The following TCF4 variants were observed in gnomAD, a reference collection of about 807,000 sequenced individuals.
TCF4 encodes transcription factor 4, also known as SL3-3 enhancer factor 2.
Under a neutral mutation model 82.1 loss-of-function variants are expected in TCF4, and 3 were observed. That is an observed-to-expected ratio of 0.04 (90% CI 0.02 to 0.09). TCF4 has a LOEUF of 0.09. TCF4 is among the 10% of genes least tolerant of loss of function. The probability of loss-of-function intolerance (pLI) is 1.00; values close to 1 mark genes in which losing one functional copy is unlikely to be tolerated. For synonymous variants in TCF4, 276 were observed against 309.6 expected (o/e 0.89, Z 1.14); for missense variants, 518 against 852.7 (o/e 0.61, Z 4.89).
At chr18:55,459,772 A>G (rs1555667849) in intron 5 of TCF4, among the ~76,000 whole-genome samples, 1 of 152,164 alleles carries the variant, frequency 6.6e-6, no homozygotes, top group Non-Finnish European at 1.5e-5. Flanking sequence ...CTTGAGTTAC[A>G]ATGTTAAAAC....
Position 55,415,895 on chromosome 18 carries a change from G to A in TCF4, c.305-12377C>T, listed in dbSNP as rs191304422. Among the ~76,000 whole-genome samples, 5 of 152,312 alleles carry A rather than the reference G, an allele frequency of 3.3e-5. No individual in the cohort carries two copies. In the East Asian group the frequency reaches 9.6e-4, roughly 29 times the overall value. ...TACACTTAGCAAAGTCTCTTTTAGT[G>A]TATGTATATTTCTGTGTGTCTTATA... On this transcript the variant is annotated intron_variant, in intron 5 of 19. Transcript: ENST00000354452.
chr18:55,397,493 T>C (rs1009558075), intron 6 of TCF4, among the ~76,000 whole-genome samples: 1 of 152,102 alleles, frequency 6.6e-6, no homozygotes, highest in African/African-American at 2.4e-5. Context: ...GAGTCCAGCC[T>C]TGGCAACATA....
At position 55,495,891 on chromosome 18, in the gene TCF4, T is replaced by C. The variant is rs555422441; in HGVS notation, c.146-31754A>G. The C allele has an allele frequency of 3.3e-5, 5 of 152,336 alleles. No individual in the cohort carries two copies. The East Asian group carries it at 9.6e-4, about 29-fold the overall frequency. 9.4% of individuals were successfully genotyped at this position (152,336 alleles called of 1,614,324 possible). On this transcript the variant is annotated intron_variant, in intron 3 of 19. Transcript: ENST00000354452. ...GTTGATTTCTGAATCATTTGAATAA[T>C]TCACGACCTGTCCTTTACATGGAGG...
At chr18:55,344,310 A>G (rs2144548457) in intron 8 of TCF4, among the ~76,000 whole-genome samples, 1 of 152,308 alleles carries the variant, frequency 6.6e-6, no homozygotes, top group Non-Finnish European at 1.5e-5. Flanking sequence ...ATTCAATCAA[A>G]TTATCAAGGC....
chr18:55,631,408 T>TGGTGGACATGTTAGAATGAAGGCA (rs1321312745), intron 1 of TCF4: 3 of 1,544,246 alleles, frequency 1.9e-6, no homozygotes, highest in Middle Eastern at 1.7e-4. Flanking sequence ...GGAGAAAAGA[T>TGGTGGACATGTTAGAATGAAGGCA]GGTGGACATG....
chr18:55,455,673 G>A (rs767063921), intron 5 of TCF4, among the ~76,000 whole-genome samples: 6 of 152,056 alleles, frequency 3.9e-5, no homozygotes, highest in Non-Finnish European at 7.4e-5. Flanking sequence ...TCACAGTTCC[G>A]TTCTTATGAA....
At chr18:55,616,010 A>C (rs1395205592) in intron 2 of TCF4, among the ~76,000 whole-genome samples, 1 of 152,046 alleles carries the variant, frequency 6.6e-6, no homozygotes, top group Non-Finnish European at 1.5e-5. Flanking sequence ...CCTCTAATTA[A>C]AGAAGTTTTT....
At chr18:55,259,315 T>C (rs1159211594) in intron 13 of TCF4, among the ~76,000 whole-genome samples, 1 of 151,992 alleles carries the variant, frequency 6.6e-6, no homozygotes, top group Non-Finnish European at 1.5e-5. Flanking sequence ...AGACAATGAG[T>C]CTCTTAAACG....
At chr18:55,369,416 A>G (rs1413399055) in intron 6 of TCF4, among the ~76,000 whole-genome samples, 1 of 152,222 alleles carries the variant, frequency 6.6e-6, no homozygotes, top group Non-Finnish European at 1.5e-5. Context: ...AGAAAGAACC[A>G]GAAGTCCCAC....
rs151284679 is a variant in TCF4 at position 55,237,948 on chromosome 18, G to A, written c.1351-3265C>T. ...TCGCTAGAATAACACAGAAATAGAT[G>A]GAGAAACTCACACTGTTCTCTGTAT... On this transcript the variant is annotated intron_variant, in intron 15 of 19. Coordinates refer to ENST00000354452, the MANE Select transcript of TCF4 (RefSeq NM_001083962.2). Among the ~76,000 whole-genome samples the A allele has an allele frequency of 1.6e-4, 25 of 152,332 alleles. No individual in the cohort carries two copies. In the East Asian group the frequency reaches 4.2e-3, roughly 26 times the overall value.
rs1603625730 is a variant in TCF4 at position 55,629,699 on chromosome 18, G to A, written c.286+1599C>T. ...AAGCCAGCGTAGAAACTACAAAGCT[G>A]TTCTTCGTAGAAGTACAGAAGAGAC... On this transcript the variant is annotated intron_variant, in intron 2 of 20. Coordinates refer to the TCF4 transcript ENST00000398339. Among the ~76,000 whole-genome samples, 7 of 152,280 alleles carry A rather than the reference G, an allele frequency of 4.6e-5. 1 individual carries two copies. Among genetic ancestry groups the A allele is most frequent in the Admixed American group, 4.6e-4 (7 of 15,290 alleles).
rs2144275904 is a variant in TCF4 at position 55,225,048 on chromosome 18, A to C, written c.*2987T>G. On this transcript the variant is annotated 3_prime_UTR_variant, in exon 20 of 20. Transcript: ENST00000354452. ...GTTTGATAATTACAAAACAACAACA[A>C]TAAAAAACACACTAAAAAGGCCACA... is the stretch of plus-strand genomic sequence containing the variant. 6.6e-6 allele frequency: 1 copy of C among 152,308 alleles called. No individual in the cohort carries two copies. The highest frequency in any genetic ancestry group is 1.5e-5 in the Non-Finnish European group (1 of 68,008). 9.4% of individuals were successfully genotyped at this position (152,308 alleles called of 1,614,324 possible). A position where few individuals can be genotyped will look rare whatever the true frequency, so the allele number is the denominator to read the frequency against.
intron 9 of TCF4, among the ~76,000 whole-genome samples, chr18:55,277,951 G>T (rs756160501): frequency 6.6e-6 from 1 of 152,084 alleles, no homozygotes; most frequent in Non-Finnish European, 1.5e-5. Context: ...GGCACAAAAC[G>T]CACCCAGGTG....
chr18:55,391,743 G>C (rs1307154457), intron 6 of TCF4, among the ~76,000 whole-genome samples: 1 of 151,488 alleles, frequency 6.6e-6, no homozygotes, highest in Non-Finnish European at 1.5e-5. Flanking sequence ...GACCAGTCTG[G>C]CCAACATGGT....
intron 6 of TCF4, among the ~76,000 whole-genome samples, chr18:55,355,127 G>C (rs2083179129): frequency 6.6e-6 from 1 of 152,090 alleles, no homozygotes; most frequent in South Asian, 2.1e-4. Flanking sequence ...GCTTTGTATG[G>C]TGAACTGACT....
intron 11 of TCF4, chr18:55,264,524 T>G (rs1400777422): frequency 6.6e-6 from 1 of 152,160 alleles, no homozygotes; most frequent in African/African-American, 2.4e-5. Flanking sequence ...TCTTTTTATT[T>G]GTGTGACAGA....
In TCF4 at chr18:55,464,148, G is replaced by C. The variant is rs191464553; in HGVS notation, c.146-11C>G. On this transcript the variant is annotated splice_polypyrimidine_tract_variant and intron_variant, in intron 3 of 19. Coordinates refer to ENST00000354452, the MANE Select transcript of TCF4 (RefSeq NM_001083962.2). Reference sequence around the variant, plus strand: ...TTCTGTCTTCTACATCTAGGGACAAGAGAAAAGTTCTTTAGGCTTTCTTGC... The same window carrying C: ...TTCTGTCTTCTACATCTAGGGACAACAGAAAAGTTCTTTAGGCTTTCTTGC... The C allele has an allele frequency of 1.7e-4, 275 of 1,613,774 alleles. 7 individuals carry two copies. The East Asian group carries it at 6.1e-3, about 36-fold the overall frequency.
intron 3 of TCF4, among the ~76,000 whole-genome samples, chr18:55,558,544 A>C (rs552921898): frequency 1.3e-5 from 2 of 152,332 alleles, no homozygotes; most frequent in South Asian, 4.1e-4. Flanking sequence ...TGCCCATACA[A>C]AATCTAAGTA....
chr18:55,496,500 A>G (rs1243339018), intron 3 of TCF4: 1 of 152,114 alleles, frequency 6.6e-6, no homozygotes, highest in Non-Finnish European at 1.5e-5. Context: ...GAAATGCATG[A>G]ACAGTTCCTC....
Sources: gnomAD v4.1 joint callset for allele counts (sites outside exome capture counted in the v4.1 genomes callset) on GRCh38, gnomAD v4.1.1 for gene constraint, MANE v1.5 for transcripts, NCBI Gene and HGNC (gene_info 2026-07-23, HGNC 2026-07-21) for gene names.